Variants in EPHA2 observed in about 807,000 individuals in gnomAD.
The protein encoded by EPHA2 is EPH receptor A2, also known as ephrin type-A receptor 2.
EPHA2 carries 54 observed loss-of-function variants against 104.9 expected under a neutral mutation model. That is an observed-to-expected ratio of 0.51 (90% confidence interval 0.41 to 0.65). The LOEUF is 0.65. EPHA2 is among the 30% of genes least tolerant of loss of function. The probability of loss-of-function intolerance (pLI) is 0.00; values close to 1 mark genes in which losing one functional copy is unlikely to be tolerated. For synonymous variants in EPHA2, 560 were observed against 559.1 expected (o/e 1.00, Z -0.02); for missense variants, 1,117 against 1,369.5 (o/e 0.82, Z 2.91).
At chr1:16,133,412 C>T (rs2124206514) in intron 10 of EPHA2, 44 bp from the exon 11 acceptor site, 1 of 1,613,920 alleles carries the variant, frequency 6.2e-7, no homozygotes, top group South Asian at 1.1e-5. Flanking sequence ...TCAGCCCCGG[C>T]ATGAGGGCTC....
chr1:16,140,658 GC>G (rs2024808353), intron 3 of EPHA2, among the ~76,000 whole-genome samples: 2 of 152,118 alleles, frequency 1.3e-5, no homozygotes, highest in Admixed American at 1.3e-4. Flanking sequence ...TCGCTCTGTT[GC>G]CCAGGCTGGA....
rs759883049 is a variant in EPHA2 at position 16,134,519 on chromosome 1, C to T, written c.1631G>A (p.Gly544Asp). The T allele has an allele frequency of 3.1e-6, 5 of 1,614,116 alleles. No homozygotes were observed. Among genetic ancestry groups the T allele is most frequent in the Non-Finnish European group, 4.2e-6 (5 of 1,180,026 alleles). ...NLAVIGGVAV[G>D]VVLLLVLAGV... is the part of the protein sequence containing the mutation. ...TGCCAGCACCAGAAGCAGGACCACA[C>T]CGACAGCCACGCCGCCAATCACCGC... Residue 544 changes from glycine to aspartate, a missense_variant, in exon 8 of 17, where the codon GGT becomes GAT. Gly to Asp is a moderately conservative substitution (Grantham distance 94, BLOSUM62 -1). This residue lies in a region of EPHA2 where 664 missense variants were observed against 784.8 expected (regional missense o/e 0.85). Coordinates refer to ENST00000358432, the MANE Select transcript of EPHA2 (RefSeq NM_004431.5). This position sits in a 1 kb window ranked among gnomAD's most constrained non-coding sequence, Gnocchi z 4.5.
At position 16,148,241 on chromosome 1, in the gene EPHA2, G is replaced by T; in HGVS notation, c.823+137C>A. ...AATAAGGAAACTGATGTCTGGGAAGGATCTATAATTTCCACTAACAGAACT... is the reference window on the plus strand; with the variant it reads ...AATAAGGAAACTGATGTCTGGGAAGTATCTATAATTTCCACTAACAGAACT... On this transcript the variant is annotated intron_variant, in intron 3 of 16. Coordinates refer to ENST00000358432, the MANE Select transcript of EPHA2 (RefSeq NM_004431.5). This position sits in a 1 kb window ranked among gnomAD's most constrained non-coding sequence, Gnocchi z 4.9. 1 of 1,093,600 alleles carries T rather than the reference G, an allele frequency of 9.1e-7. No homozygotes were observed. Among genetic ancestry groups the T allele is most frequent in the East Asian group, 2.4e-5 (1 of 41,554 alleles). 67.7% of individuals were successfully genotyped at this position (1,093,600 alleles called of 1,614,324 possible). A position where few individuals can be genotyped will look rare whatever the true frequency, so the allele number is the denominator to read the frequency against.
Position 16,148,431 on chromosome 1 carries a change from A to G in EPHA2, c.770T>C (p.Ile257Thr), listed in dbSNP as rs1394171952. The G allele has an allele frequency of 6.2e-7, 1 of 1,613,428 alleles. No individual in the cohort carries two copies. Among genetic ancestry groups the G allele is most frequent in the Non-Finnish European group, 8.5e-7 (1 of 1,180,012 alleles). The part of the protein sequence containing the change: ...CAVDGEWLVP[I>T]GQCLCQAGYE... ...GCCTGCCTGGCACAGGCACTGCCCA[A>G]TGGGCACCAGCCACTCGCCATCCAC... The change falls in exon 3 of 17, where the codon ATT becomes ACT. Residue 257 changes from isoleucine to threonine, a missense_variant. Physicochemically the swap from Ile to Thr is moderately conservative, Grantham distance 89. Coordinates refer to ENST00000358432, the MANE Select transcript of EPHA2 (RefSeq NM_004431.5). This position sits in a 1 kb window ranked among gnomAD's most constrained non-coding sequence, Gnocchi z 4.9.
At chr1:16,140,308 GGGAAGGGGGCTTGT>G (rs2024798757) in intron 3 of EPHA2, among the ~76,000 whole-genome samples, 1 of 152,224 alleles carries the variant, frequency 6.6e-6, no homozygotes, top group African/African-American at 2.4e-5. Flanking sequence ...ACATAGGGCA[GGGAAGGGGGCTTGT>G]CCCAGGTCAT....
intron 3 of EPHA2, among the ~76,000 whole-genome samples, chr1:16,142,532 T>C (rs1233834401): frequency 1.3e-5 from 2 of 151,700 alleles, no homozygotes; most frequent in East Asian, 1.9e-4. Flanking sequence ...GGTGGATGGG[T>C]AGATGAGTGT....
At chr1:16,127,123 T>A (rs2024484834) in intron 16 of EPHA2, among the ~76,000 whole-genome samples, 1 of 152,134 alleles carries the variant, frequency 6.6e-6, no homozygotes, top group Non-Finnish European at 1.5e-5. Flanking sequence ...TCCTACTGTG[T>A]TCTGGCCCTG....
intron 3 of EPHA2, among the ~76,000 whole-genome samples, chr1:16,142,247 G>A (rs2024836500): frequency 1.3e-5 from 2 of 152,240 alleles, no homozygotes; most frequent in Non-Finnish European, 2.9e-5. Context: ...ATAGAAATGG[G>A]CACTTCATAC....
chr1:16,132,480 G>A, intron 11 of EPHA2, 41 bp from the exon 12 acceptor site: 3 of 1,610,714 alleles, frequency 1.9e-6, no homozygotes, highest in Non-Finnish European at 2.5e-6. Context: ...AGTGGGCCCA[G>A]GCATGTGGGA....
Position 16,136,713 on chromosome 1 carries a change from AAAGAAGAAGAAG to A in EPHA2, c.1313-955_1313-944del, listed in dbSNP as rs202150956. On this transcript the variant is annotated intron_variant, in intron 5 of 16. Coordinates refer to ENST00000358432, the MANE Select transcript of EPHA2 (RefSeq NM_004431.5). ...AAGAGGAAGAAGAAGAAGAAGAAGA[AAAGAAGAAGAAG>A]AAGAAGAAGAAGAAGAAGAAGAAGA... is the stretch of plus-strand genomic sequence containing the variant. 4.4e-3 allele frequency among the ~76,000 whole-genome samples: 449 copies of A among 102,732 alleles called. 5 individuals are homozygous for A. Among genetic ancestry groups the A allele is most frequent in the East Asian group, 0.017 (59 of 3,570 alleles). 67.4% of individuals were successfully genotyped at this position (102,732 alleles called of 152,430 possible). A position where few individuals can be genotyped will look rare whatever the true frequency, so the allele number is the denominator to read the frequency against.
intron 3 of EPHA2, among the ~76,000 whole-genome samples, chr1:16,140,342 C>G (rs1447146150): frequency 6.6e-6 from 1 of 152,228 alleles, no homozygotes; most frequent in Non-Finnish European, 1.5e-5. Context: ...TGCAGCAGGA[C>G]AGAGGAGGCC....
chr1:16,146,096 G>A (rs536973798), intron 3 of EPHA2, among the ~76,000 whole-genome samples: 1 of 152,200 alleles, frequency 6.6e-6, no homozygotes, highest in Non-Finnish European at 1.5e-5. Context: ...GAGGTATAAA[G>A]AGGAGCCAGC....
At chr1:16,153,079 G>A (rs189684126) in intron 1 of EPHA2, 1 of 973,498 alleles carries the variant, frequency 1.0e-6, no homozygotes, top group Admixed American at 6.1e-5. Context: ...CTTAGGCTAA[G>A]CAGGGCTTAT....
Position 16,131,241 on chromosome 1 carries a change from C to G in EPHA2, c.2475+480G>C, listed in dbSNP as rs2024564277. Reference sequence around the variant, plus strand: ...TTCATCTCTGCACTCTCTGAATCAGCTCCTGGAACCCAGCACAAGGCCTGG... The same window carrying G: ...TTCATCTCTGCACTCTCTGAATCAGGTCCTGGAACCCAGCACAAGGCCTGG... On this transcript the variant is annotated intron_variant, in intron 14 of 16. Transcript: ENST00000358432. The surrounding 1 kb of genome is among the most constrained non-coding windows in gnomAD (Gnocchi z 5.2). Among the ~76,000 whole-genome samples, 1 of 152,188 alleles carries G rather than the reference C, an allele frequency of 6.6e-6. No individual in the cohort carries two copies.
intron 3 of EPHA2, among the ~76,000 whole-genome samples, chr1:16,145,444 T>C (rs1415637830): frequency 1.3e-5 from 2 of 152,110 alleles, no homozygotes; most frequent in Non-Finnish European, 2.9e-5. Context: ...GAAAGAACCC[T>C]GAGGAGAAAC....
chr1:16,146,168 G>A (rs1177728807), intron 3 of EPHA2, among the ~76,000 whole-genome samples: 1 of 152,236 alleles, frequency 6.6e-6, no homozygotes, highest in Non-Finnish European at 1.5e-5. Flanking sequence ...TTTGGTGGGA[G>A]GATCCCGAGG....
chr1:16,148,553 G>A lies in EPHA2; in HGVS notation c.648C>T (p.Ala216=), dbSNP rs34753465. 12,586 of 1,613,028 alleles carry A rather than the reference G, an allele frequency of 7.8e-3. 128 individuals carry two copies. Among genetic ancestry groups the A allele is most frequent in the Admixed American group, 0.047 (2,848 of 60,034 alleles). Residue 216 remains alanine (A), a synonymous_variant, in exon 3 of 17, where the codon GCC becomes GCT. Transcript: ENST00000358432. This position sits in a 1 kb window ranked among gnomAD's most constrained non-coding sequence, Gnocchi z 4.9. The stretch of plus-strand genomic sequence containing the variant: ...TGGCCAGGGAAGGTGCATCAGAGCC[G>A]GCGATGGTCTCAGGGAAGTGGGCCA... ...QGLAHFPETI[A]GSDAPSLATV...
At position 16,124,348 on chromosome 1, in the gene EPHA2, C is replaced by T. The variant is rs532111236; in HGVS notation, c.*867G>A. On this transcript the variant is annotated 3_prime_UTR_variant, in exon 17 of 17. Coordinates refer to ENST00000358432, the MANE Select transcript of EPHA2 (RefSeq NM_004431.5). ...ACTGAAAGCCAAGATCGGTTTGAAT[C>T]ATCTGCAACTTTATTCCAGAGCAGA... 2 of 152,766 alleles carry T rather than the reference C, an allele frequency of 1.3e-5. No individual in the cohort carries two copies. Among genetic ancestry groups the T allele is most frequent in the South Asian group, 4.1e-4 (2 of 4,822 alleles). 9.5% of individuals were successfully genotyped at this position (152,766 alleles called of 1,614,324 possible).
chr1:16,138,575 T>A, intron 3 of EPHA2, 145 bp from the exon 4 acceptor site: 1 of 1,237,376 alleles, frequency 8.1e-7, no homozygotes, highest in African/African-American at 1.5e-5. Flanking sequence ...ATCGGCAAAA[T>A]GTCTTGTGAT....
Sources: allele counts gnomAD v4.1 joint callset (sites outside exome capture counted in the v4.1 genomes callset), GRCh38; gene constraint gnomAD v4.1.1; regional missense constraint gnomAD v4.1.1; non-coding constraint Gnocchi (gnomAD v3.1); transcripts MANE v1.5; gene names NCBI Gene and HGNC (gene_info 2026-07-23, HGNC 2026-07-21).